The following SLC7A2 variants were observed in gnomAD, a reference collection of about 807,000 sequenced individuals.
The protein encoded by SLC7A2 is solute carrier family 7 member 2.
Under a neutral mutation model 58.9 loss-of-function variants are expected in SLC7A2, and 48 were observed. That is an observed-to-expected ratio of 0.82 (90% CI 0.65 to 1.04). SLC7A2 has a LOEUF of 1.04. Among genes scored for constraint, SLC7A2 ranks in the 50% least tolerant of loss-of-function variants. The probability of loss-of-function intolerance (pLI) is 0.00; values close to 1 mark genes in which losing one functional copy is unlikely to be tolerated. For synonymous variants in SLC7A2, 363 were observed against 314.5 expected (o/e 1.15, Z -1.63); for missense variants, 1,029 against 818.8 (o/e 1.26, Z -3.13).
chr8:17,553,736 C>A (rs1802558185), intron 7 of SLC7A2, among the ~76,000 whole-genome samples: 1 of 152,186 alleles, frequency 6.6e-6, no homozygotes, highest in African/African-American at 2.4e-5. Context: ...TATGATCGTA[C>A]TACTGCACTC....
chr8:17,495,358 T>C (rs1240974881), upstream of SLC7A2, among the ~76,000 whole-genome samples: 1 of 152,164 alleles, frequency 6.6e-6, no homozygotes, highest in East Asian at 1.9e-4. Flanking sequence ...AGCCGTGGGA[T>C]TGAGGAGGAA....
chr8:17,501,759 C>G (rs558189970), intron 1 of SLC7A2, among the ~76,000 whole-genome samples: 1 of 152,048 alleles, frequency 6.6e-6, no homozygotes, highest in East Asian at 1.9e-4. Flanking sequence ...AAGCAATACC[C>G]ACACACCCAT....
chr8:17,557,607 G>A (rs1025731113), intron 8 of SLC7A2, among the ~76,000 whole-genome samples: 8 of 152,134 alleles, frequency 5.3e-5, no homozygotes, highest in East Asian at 1.9e-4. Context: ...GAGGCCAGTG[G>A]ATCACTTGAG....
At chr8:17,513,974 A>G (rs1800702588) in intron 2 of SLC7A2, among the ~76,000 whole-genome samples, 1 of 152,352 alleles carries the variant, frequency 6.6e-6, no homozygotes, top group Admixed American at 6.5e-5. Context: ...ATTCATGTGT[A>G]TAATGGCAGG....
intron 8 of SLC7A2, chr8:17,555,182 A>G: frequency 2.0e-6 from 2 of 1,019,196 alleles, no homozygotes; most frequent in Non-Finnish European, 2.8e-6. Flanking sequence ...CATGTAAGTT[A>G]AAAAAAACAA....
chr8:17,551,089 C>G (rs1416762529), intron 6 of SLC7A2, among the ~76,000 whole-genome samples: 1 of 152,168 alleles, frequency 6.6e-6, no homozygotes, highest in Non-Finnish European at 1.5e-5. Context: ...GTCATTTAAT[C>G]TCTGTAGATG....
intron 2 of SLC7A2, among the ~76,000 whole-genome samples, chr8:17,516,836 A>G (rs1800824023): frequency 6.6e-6 from 1 of 152,214 alleles, no homozygotes; most frequent in Non-Finnish European, 1.5e-5. Context: ...GATTCAGGAA[A>G]TATTTGAGTA....
chr8:17,538,282 T>C (rs922196972), intron 2 of SLC7A2, among the ~76,000 whole-genome samples: 1 of 152,218 alleles, frequency 6.6e-6, no homozygotes, highest in Admixed American at 6.5e-5. Flanking sequence ...TGTCTACACT[T>C]GCACGAACTT....
intron 11 of SLC7A2, 70 bp downstream of exon 11, chr8:17,562,180 ATTTTTTTTTTTTTTTTTTTTTT>A (rs200130071): frequency 0.011 from 6,392 of 593,666 alleles, 147 homozygotes; most frequent in Non-Finnish European, 0.013. Flanking sequence ...TTTGGTAAGT[ATTTTTTTTTTTTTTTTTTTTTT>A]TTTTTTTTTT....
rs1803413233 is a variant in SLC7A2 at position 17,569,394 on chromosome 8, G to C, written c.*4248G>C. On this transcript the variant is annotated 3_prime_UTR_variant, in exon 13 of 13. Transcript: ENST00000494857. The stretch of plus-strand genomic sequence containing the variant: ...AGTGCCTTCTCTGCACACTTTACTT[G>C]TTTATAAAGTTCTCCCACATGTCCT... 6.6e-6 allele frequency: 1 copy of C among 152,126 alleles called. No homozygotes were observed. Among genetic ancestry groups the C allele is most frequent in the Non-Finnish European group, 1.5e-5 (1 of 68,028 alleles). 9.4% of individuals were successfully genotyped at this position (152,126 alleles called of 1,614,324 possible).
At chr8:17,505,382 C>G (rs1800323867) in intron 2 of SLC7A2, among the ~76,000 whole-genome samples, 1 of 152,136 alleles carries the variant, frequency 6.6e-6, no homozygotes, top group African/African-American at 2.4e-5. Context: ...TTATGGCCTC[C>G]AAGTTGGGGC....
intron 12 of SLC7A2, among the ~76,000 whole-genome samples, chr8:17,564,381 T>A (rs191113108): frequency 6.6e-6 from 1 of 152,230 alleles, no homozygotes. Flanking sequence ...CTATAAAGTT[T>A]GGGTCTTCAC....
intron 2 of SLC7A2, among the ~76,000 whole-genome samples, chr8:17,515,340 G>T (rs1800763579): frequency 6.7e-6 from 1 of 149,170 alleles, no homozygotes; most frequent in African/African-American, 2.5e-5. Context: ...CCTGTCTCCA[G>T]ACTGGAGTGC....
At chr8:17,527,297 G>A (rs1165119646) in intron 2 of SLC7A2, among the ~76,000 whole-genome samples, 4 of 152,062 alleles carry the variant, frequency 2.6e-5, no homozygotes, top group Non-Finnish European at 4.4e-5. Flanking sequence ...GGTTTTAGCC[G>A]ACTACAAACC....
intron 7 of SLC7A2, 103 bp downstream of exon 7, chr8:17,552,089 C>G: frequency 1.3e-6 from 1 of 775,636 alleles, no homozygotes; most frequent in Non-Finnish European, 2.1e-6. Context: ...CTAATAGAAA[C>G]AAAATATTAT....
At chr8:17,549,012 A>T (rs887932980) in intron 5 of SLC7A2, among the ~76,000 whole-genome samples, 169 bp downstream of exon 5, 12 of 116,004 alleles carry the variant, frequency 1.0e-4, no homozygotes, top group Admixed American at 2.4e-4. Flanking sequence ...GGGAAGCCTC[A>T]CAATCGTGGC....
rs1287949538 is a variant in SLC7A2, at chr8:17,565,274, A to G, written c.*128A>G. ...GCATACATAGTTCACCCTAATTTAT[A>G]CTTACTCATCTGGACAGCATCTCCT... is the stretch of plus-strand genomic sequence containing the variant. On this transcript the variant is annotated 3_prime_UTR_variant, in exon 13 of 13. Transcript: ENST00000494857. The G allele has an allele frequency of 2.8e-6, 2 of 702,370 alleles. No homozygotes were observed. The highest frequency in any genetic ancestry group is 4.7e-6 in the Non-Finnish European group (2 of 426,472). 43.5% of individuals were successfully genotyped at this position (702,370 alleles called of 1,614,324 possible). A position where few individuals can be genotyped will look rare whatever the true frequency, so the allele number is the denominator to read the frequency against.
At chr8:17,522,947 A>C (rs1363175298) in intron 2 of SLC7A2, among the ~76,000 whole-genome samples, 1 of 152,072 alleles carries the variant, frequency 6.6e-6, no homozygotes, top group Admixed American at 6.5e-5. Context: ...AAGTGGGAGG[A>C]TTGCTTGAGC....
chr8:17,553,999 CCTT>C (rs897973260), intron 7 of SLC7A2, among the ~76,000 whole-genome samples: 1 of 152,060 alleles, frequency 6.6e-6, no homozygotes, highest in African/African-American at 2.4e-5. Context: ...ATCTTCTTTC[CCTT>C]CTTCTACCTT....
Sources: allele counts gnomAD v4.1 joint callset (sites outside exome capture counted in the v4.1 genomes callset), GRCh38; gene constraint gnomAD v4.1.1; transcripts MANE v1.5; gene names NCBI Gene and HGNC (gene_info 2026-07-23, HGNC 2026-07-21).